Variants in MAP2K5 observed in about 807,000 individuals in gnomAD.
The protein encoded by MAP2K5 is mitogen-activated protein kinase kinase 5, also known as dual specificity mitogen-activated protein kinase kinase 5.
Under a neutral mutation model 83.1 loss-of-function variants are expected in MAP2K5, and 49 were observed. The observed-to-expected ratio is 0.59, with a 90% CI of 0.47 to 0.75. The LOEUF (loss-of-function observed/expected upper bound fraction) is 0.75, where lower values mean the gene tolerates loss of function less well. Ranked by LOEUF, MAP2K5 falls within the 30% of genes least tolerant of loss-of-function variation. MAP2K5 has a pLI of 0.00. For synonymous variants in MAP2K5, 202 were observed against 191.8 expected, an observed-to-expected ratio of 1.05 and a Z score of -0.44; for missense variants, 457 against 557.5, an observed-to-expected ratio of 0.82 and a Z score of 1.82.
intron 8 of MAP2K5, chr15:67,628,186 A>G (rs1359459557): frequency 2.1e-5 from 21 of 978,566 alleles, no homozygotes; most frequent in Middle Eastern, 6.4e-4. Flanking sequence ...GGTGGCATTA[A>G]AGAAGATACT....
At chr15:67,693,215 T>C (rs995981199) in intron 14 of MAP2K5, among the ~76,000 whole-genome samples, 5 of 152,252 alleles carry the variant, frequency 3.3e-5, no homozygotes, top group African/African-American at 1.2e-4. Context: ...CAAATTCTGC[T>C]TTAAATTGAC....
At chr15:67,589,995 CTAT>C (rs1287872354) in intron 6 of MAP2K5, among the ~76,000 whole-genome samples, 1 of 152,084 alleles carries the variant, frequency 6.6e-6, no homozygotes, top group African/African-American at 2.4e-5. Flanking sequence ...ATAGCAGCTG[CTAT>C]TATTATGTTA....
At position 67,623,598 on chromosome 15, in the gene MAP2K5, C is replaced by CTT. The variant is rs369601076; in HGVS notation, c.546-7277_546-7276dup. ...GCCAGTTTGAAAACTTACTATCTTC[C>CTT]TTTTTTTTTTTTTTAGACGGAGTTT... On this transcript the variant is annotated intron_variant, in intron 8 of 21. Transcript: ENST00000178640. 9.9e-3 allele frequency among the ~76,000 whole-genome samples: 1,407 copies of CTT among 142,168 alleles called. 13 individuals carry two copies. Among genetic ancestry groups the CTT allele is most frequent in the Non-Finnish European group, 0.013 (823 of 65,476 alleles). 93.3% of individuals were successfully genotyped at this position (142,168 alleles called of 152,430 possible).
intron 8 of MAP2K5, among the ~76,000 whole-genome samples, chr15:67,624,111 G>A (rs957962826): frequency 1.3e-5 from 2 of 151,118 alleles, no homozygotes; most frequent in African/African-American, 2.4e-5. Flanking sequence ...AGGCCAAGGA[G>A]GGCTGATCAC....
rs773798356 is a variant in MAP2K5 at position 67,563,368 on chromosome 15, G to T, written c.252+18G>T. 3 of 1,600,406 alleles carry T rather than the reference G, an allele frequency of 1.9e-6. No homozygotes were observed. Among genetic ancestry groups the T allele is most frequent in the Admixed American group, 3.5e-5 (2 of 56,894 alleles). ...TGTCATATGTAAGTATACGACAAATGAAGACTATTTTTTAAAATCTTAACG... is the reference window on the plus strand; with the variant it reads ...TGTCATATGTAAGTATACGACAAATTAAGACTATTTTTTAAAATCTTAACG... On this transcript the variant is annotated intron_variant, in intron 3 of 21. Coordinates refer to ENST00000178640, the MANE Select transcript of MAP2K5 (RefSeq NM_145160.3). The surrounding 1 kb of genome is among the most constrained non-coding windows in gnomAD (Gnocchi z 4.5).
At chr15:67,653,731 G>A (rs2087004839) in intron 11 of MAP2K5, among the ~76,000 whole-genome samples, 1 of 150,852 alleles carries the variant, frequency 6.6e-6, no homozygotes, top group Non-Finnish European at 1.5e-5. Context: ...TTTGAGTTTA[G>A]TTTTAGCTTG....
intron 3 of MAP2K5, among the ~76,000 whole-genome samples, chr15:67,570,537 G>C (rs780609342): frequency 1.3e-5 from 2 of 152,220 alleles, no homozygotes; most frequent in Non-Finnish European, 2.9e-5. Flanking sequence ...ATTCAAAATA[G>C]ATTGGCTTCA....
rs530392819 is a variant in MAP2K5 at position 67,713,671 on chromosome 15, G to C, written c.1044+10263G>C. Among the ~76,000 whole-genome samples, 797 of 152,196 alleles carry C rather than the reference G, an allele frequency of 5.2e-3. 5 individuals carry two copies. The highest frequency in any genetic ancestry group is 0.016 in the African/African-American group (679 of 41,526). On this transcript the variant is annotated intron_variant, in intron 16 of 21. Transcript: ENST00000178640. ...CAATTGCTTGAACCCAGGAGGCAGA[G>C]GTTGCAGTGAGCCGAGATCACGCCA...
Position 67,757,383 on chromosome 15 carries a change from A to C in MAP2K5, c.1134+8782A>C, listed in dbSNP as rs1277344924. On this transcript the variant is annotated intron_variant, in intron 19 of 21. Coordinates refer to ENST00000178640, the MANE Select transcript of MAP2K5 (RefSeq NM_145160.3). The surrounding 1 kb of genome is among the most constrained non-coding windows in gnomAD (Gnocchi z 4.9). ...ATTTCTAAAAGCCCTTGACCCCTTTATGTTGCTCAAAAACCCAACCTATAA... is the reference window on the plus strand; with the variant it reads ...ATTTCTAAAAGCCCTTGACCCCTTTCTGTTGCTCAAAAACCCAACCTATAA... Among the ~76,000 whole-genome samples, 1 of 152,182 alleles carries C rather than the reference A, an allele frequency of 6.6e-6. No homozygotes were observed. The highest frequency in any genetic ancestry group is 1.5e-5 in the Non-Finnish European group (1 of 68,024).
intron 13 of MAP2K5, among the ~76,000 whole-genome samples, chr15:67,674,175 G>C (rs1355480828): frequency 6.6e-6 from 1 of 152,154 alleles, no homozygotes; most frequent in Non-Finnish European, 1.5e-5. Context: ...GAACTGGTTA[G>C]TGCTTGAGTA....
In MAP2K5 at chr15:67,720,948, C is replaced by T. The variant is rs193275939; in HGVS notation, c.1045-6968C>T. 2.6e-5 allele frequency among the ~76,000 whole-genome samples: 4 copies of T among 152,290 alleles called. No homozygotes were observed. The highest frequency in any genetic ancestry group is 5.9e-5 in the Non-Finnish European group (4 of 68,020). On this transcript the variant is annotated intron_variant, in intron 16 of 21. Transcript: ENST00000178640. The surrounding 1 kb of genome is among the most constrained non-coding windows in gnomAD (Gnocchi z 5.7). ...TGAGACCTCAATGTATCACGCTTTT[C>T]AGCATTCATGGTTAGGCTATAGCAG...
chr15:67,745,643 A>G (rs561349090), intron 17 of MAP2K5, among the ~76,000 whole-genome samples: 7 of 152,376 alleles, frequency 4.6e-5, no homozygotes. Flanking sequence ...GGTGGAATTA[A>G]CAGAGGAACA....
intron 17 of MAP2K5, among the ~76,000 whole-genome samples, chr15:67,730,685 CA>C (rs1369079040): frequency 1.3e-5 from 2 of 152,200 alleles, no homozygotes; most frequent in Non-Finnish European, 1.5e-5. Flanking sequence ...GAGAGCCTTT[CA>C]TATATCCTTA....
intron 3 of MAP2K5, among the ~76,000 whole-genome samples, chr15:67,574,101 C>T (rs1300040143): frequency 6.6e-6 from 1 of 152,162 alleles, no homozygotes; most frequent in Non-Finnish European, 1.5e-5. Flanking sequence ...AGAACCATCT[C>T]TTGGGGTATG....
chr15:67,780,835 C>T lies in MAP2K5; in HGVS notation c.1242+8083C>T, dbSNP rs142062997. ...CCAACACCAGGGTTTAGCCATCCCA[C>T]CCTGGATGTATGGACAGAGCTAGGA... is the stretch of plus-strand genomic sequence containing the variant. On this transcript the variant is annotated intron_variant, in intron 21 of 21. Transcript: ENST00000178640. The surrounding 1 kb of genome is among the most constrained non-coding windows in gnomAD (Gnocchi z 5.0). Among the ~76,000 whole-genome samples the T allele has an allele frequency of 4.3e-3, 661 of 152,302 alleles. 2 individuals carry two copies. Among genetic ancestry groups the T allele is most frequent in the Non-Finnish European group, 6.6e-3 (450 of 68,008 alleles).
intron 8 of MAP2K5, among the ~76,000 whole-genome samples, chr15:67,613,277 A>G (rs1283705014): frequency 6.6e-6 from 1 of 152,222 alleles, no homozygotes; most frequent in Non-Finnish European, 1.5e-5. Flanking sequence ...GGTATCTTGC[A>G]AATGTTAAAT....
At position 67,793,701 on chromosome 15, in the gene MAP2K5, A is replaced by G. The variant is rs188038415; in HGVS notation, c.1243-12945A>G. ...AAGTATAGTGGTCTATAGATTGTAA[A>G]GTGCCCCTAGATTTGGAAACTGGCC... On this transcript the variant is annotated intron_variant, in intron 21 of 21. Coordinates refer to ENST00000178640, the MANE Select transcript of MAP2K5 (RefSeq NM_145160.3). This position sits in a 1 kb window ranked among gnomAD's most constrained non-coding sequence, Gnocchi z 4.6. Among the ~76,000 whole-genome samples the G allele has an allele frequency of 2.4e-4, 36 of 152,360 alleles. No homozygotes were observed. Among genetic ancestry groups the G allele is most frequent in the Middle Eastern group, 3.4e-3 (1 of 294 alleles).
At position 67,577,133 on chromosome 15, in the gene MAP2K5, C is replaced by T. The variant is rs2085083079; in HGVS notation, c.253-3621C>T. ...TGTATTTTTAGTAGAGACGGGGTTTCACCTTGTTAGCCGGGATGGTCTCGA... is the reference window on the plus strand; with the variant it reads ...TGTATTTTTAGTAGAGACGGGGTTTTACCTTGTTAGCCGGGATGGTCTCGA... On this transcript the variant is annotated intron_variant, in intron 3 of 21. Transcript: ENST00000178640. This position sits in a 1 kb window ranked among gnomAD's most constrained non-coding sequence, Gnocchi z 4.1. 6.6e-6 allele frequency among the ~76,000 whole-genome samples: 1 copy of T among 151,508 alleles called. No homozygotes were observed. The highest frequency in any genetic ancestry group is 2.1e-4 in the South Asian group (1 of 4,760).
intron 17 of MAP2K5, among the ~76,000 whole-genome samples, chr15:67,737,844 CTTTTTTT>C (rs35988425): frequency 7.2e-5 from 5 of 69,306 alleles, no homozygotes; most frequent in African/African-American, 3.0e-4. Flanking sequence ...ATAGAATAGT[CTTTTTTT>C]TTTTTTTTTT....
Sources: gnomAD v4.1 joint callset for allele counts (sites outside exome capture counted in the v4.1 genomes callset) on GRCh38, gnomAD v4.1.1 for gene constraint, Gnocchi (gnomAD v3.1) non-coding constraint, MANE v1.5 for transcripts, NCBI Gene and HGNC (gene_info 2026-07-23, HGNC 2026-07-21) for gene names.